KDM4D: variants seen among roughly 807,000 people sequenced by gnomAD.
KDM4D encodes lysine-specific demethylase 4D.
For missense variants in KDM4D, 427 were observed against 674.8 expected (o/e 0.63, Z 4.07); for synonymous variants, 254 against 249.1 (o/e 1.02, Z -0.19).
At position 94,998,321 on chromosome 11, in the gene KDM4D, G is replaced by A. The variant is rs1857993005; in HGVS notation, c.949G>A (p.Val317Met). The A allele has an allele frequency of 6.2e-7, 1 of 1,614,054 alleles. No individual in the cohort carries two copies. Among genetic ancestry groups the A allele is most frequent in the Non-Finnish European group, 8.5e-7 (1 of 1,180,028 alleles). ...CCAGTGTAGCTGTGGGGAGGCAAGGGTGACCTTTTCCATGGATGCCTTCGT... is the reference window on the plus strand; with the variant it reads ...CCAGTGTAGCTGTGGGGAGGCAAGGATGACCTTTTCCATGGATGCCTTCGT... ...ASQCSCGEARVTFSMDAFVRI... is the reference protein window; with the variant it reads ...ASQCSCGEARMTFSMDAFVRI... Residue 317 changes from valine (V) to methionine (M), a missense_variant, in exon 3 of 3, where the codon GTG becomes ATG. Transcript: ENST00000335080. This position sits in a 1 kb window ranked among gnomAD's most constrained non-coding sequence, Gnocchi z 6.7.
intron 2 of KDM4D, among the ~76,000 whole-genome samples, chr11:94,990,686 G>GA (rs1857927606): frequency 6.6e-6 from 1 of 152,210 alleles, no homozygotes; most frequent in South Asian, 2.1e-4. Context: ...ATGGACAAGT[G>GA]TAAACTGATT....
Position 94,999,035 on chromosome 11 carries a change from T to G in KDM4D, c.*91T>G. ...TACATCCCAAAACTTTGGTTGAGTT[T>G]GCAGGACTCTAGGCATGCATGAAAG... On this transcript the variant is annotated 3_prime_UTR_variant, in exon 3 of 3. Transcript: ENST00000335080. The G allele has an allele frequency of 1.5e-6, 2 of 1,299,794 alleles. No individual in the cohort carries two copies. The highest frequency in any genetic ancestry group is 2.0e-6 in the Non-Finnish European group (2 of 982,644). 80.5% of individuals were successfully genotyped at this position (1,299,794 alleles called of 1,614,324 possible).
chr11:94,993,084 T>TA (rs1435790765), intron 2 of KDM4D, among the ~76,000 whole-genome samples: 1 of 152,088 alleles, frequency 6.6e-6, no homozygotes, highest in Non-Finnish European at 1.5e-5. Context: ...CTGTTAAACT[T>TA]ACTCAGCTTC....
At chr11:94,985,277 A>G (rs1363167862) in intron 2 of KDM4D, among the ~76,000 whole-genome samples, 1 of 152,242 alleles carries the variant, frequency 6.6e-6, no homozygotes, top group Non-Finnish European at 1.5e-5. Flanking sequence ...ATACAAGATC[A>G]ATATACATAA....
chr11:94,977,534 C>A (rs1239105623), intron 2 of KDM4D, among the ~76,000 whole-genome samples: 1 of 152,140 alleles, frequency 6.6e-6, no homozygotes, highest in Admixed American at 6.6e-5. Context: ...TTACTCAAGT[C>A]TTTGTTCAAA....
intron 2 of KDM4D, among the ~76,000 whole-genome samples, chr11:94,989,785 C>A (rs1857919485): frequency 7.5e-6 from 1 of 132,664 alleles, no homozygotes. Context: ...GAGTTTCACT[C>A]TTCTTGCCCA....
intron 2 of KDM4D, among the ~76,000 whole-genome samples, chr11:94,984,866 C>CA (rs35800960): frequency 0.13 from 18,554 of 148,394 alleles, 1,224 homozygotes; most frequent in Middle Eastern, 0.21. Flanking sequence ...GACTCCGTCT[C>CA]AAAAAAAAAA....
At chr11:94,991,298 G>A (rs587637555) in intron 2 of KDM4D, among the ~76,000 whole-genome samples, 2 of 152,052 alleles carry the variant, frequency 1.3e-5, no homozygotes, top group African/African-American at 4.8e-5. Flanking sequence ...TTTTATATAA[G>A]GCAATTACTA....
At chr11:94,991,671 T>C (rs1013815032) in intron 2 of KDM4D, among the ~76,000 whole-genome samples, 14 of 151,432 alleles carry the variant, frequency 9.2e-5, no homozygotes, top group Admixed American at 2.6e-4. Context: ...AATATAGTGA[T>C]AAAGGAATAG....
intron 2 of KDM4D, among the ~76,000 whole-genome samples, chr11:94,983,887 C>T (rs1260802696): frequency 2.0e-5 from 3 of 152,078 alleles, no homozygotes; most frequent in African/African-American, 7.2e-5. Context: ...CTAGGTAGAG[C>T]AATTTGACAT....
At position 94,986,085 on chromosome 11, in the gene KDM4D, A is replaced by G. The variant is rs587685309; in HGVS notation, c.-350+10337A>G. On this transcript the variant is annotated intron_variant, in intron 2 of 2. Transcript: ENST00000335080. ...AAATTCAATTCTTGTGCACTTCGAAAGACATAGTCAAGAAAGTGAAAAGAA... is the reference window on the plus strand; with the variant it reads ...AAATTCAATTCTTGTGCACTTCGAAGGACATAGTCAAGAAAGTGAAAAGAA... Among the ~76,000 whole-genome samples the G allele has an allele frequency of 1.9e-4, 29 of 152,354 alleles. No individual in the cohort carries two copies. In the South Asian group the frequency reaches 3.1e-3, roughly 16 times the overall value.
At chr11:94,994,456 A>G (rs141382855) in intron 2 of KDM4D, among the ~76,000 whole-genome samples, 1 of 152,272 alleles carries the variant, frequency 6.6e-6, no homozygotes, top group East Asian at 1.9e-4. Context: ...CTGAATATAA[A>G]TAGGAAATTT....
intron 2 of KDM4D, among the ~76,000 whole-genome samples, chr11:94,988,794 T>C (rs1285663115): frequency 6.6e-6 from 1 of 152,222 alleles, no homozygotes; most frequent in Non-Finnish European, 1.5e-5. Flanking sequence ...CTAAGGATGC[T>C]TCTGGTAGAT....
At chr11:94,983,803 GACATTAT>G (rs1857861949) in intron 2 of KDM4D, among the ~76,000 whole-genome samples, 1 of 152,086 alleles carries the variant, frequency 6.6e-6, no homozygotes. Context: ...CTGAAAAGTT[GACATTAT>G]CAAATGCACC....
chr11:94,992,023 GT>G (rs1288824565), intron 2 of KDM4D, among the ~76,000 whole-genome samples: 5 of 151,812 alleles, frequency 3.3e-5, no homozygotes, highest in Admixed American at 6.6e-5. Context: ...AATTTCAAAA[GT>G]TAATAACCCC....
intron 2 of KDM4D, among the ~76,000 whole-genome samples, chr11:94,992,042 C>T (rs1398925536): frequency 3.3e-5 from 5 of 151,670 alleles, no homozygotes; most frequent in African/African-American, 4.8e-5. Context: ...CCCCCCTCTC[C>T]GAAATACAGA....
At position 94,998,326 on chromosome 11, in the gene KDM4D, C is replaced by A; in HGVS notation, c.954C>A (p.Thr318=). Residue 318 remains threonine (T), a synonymous_variant, in exon 3 of 3, where the codon ACC becomes ACA. Transcript: ENST00000335080. The surrounding 1 kb of genome is among the most constrained non-coding windows in gnomAD (Gnocchi z 6.7). ...GTAGCTGTGGGGAGGCAAGGGTGACCTTTTCCATGGATGCCTTCGTGCGCA... is the reference window on the plus strand; with the variant it reads ...GTAGCTGTGGGGAGGCAAGGGTGACATTTTCCATGGATGCCTTCGTGCGCA... ...SQCSCGEARV[T]FSMDAFVRIL... is the part of the protein sequence containing the mutation. 6.2e-7 allele frequency: 1 copy of A among 1,614,150 alleles called. No individual in the cohort carries two copies. Among genetic ancestry groups the A allele is most frequent in the Non-Finnish European group, 8.5e-7 (1 of 1,180,008 alleles).
rs200720342 is a variant in KDM4D at position 94,998,861 on chromosome 11, T to G, written c.1489T>G (p.Leu497Val). ...TGAGCCCCTACCTGAGGATGGGGCTTTGATGGACAAGCCTGTACCACTGAG... is the reference window on the plus strand; with the variant it reads ...TGAGCCCCTACCTGAGGATGGGGCTGTGATGGACAAGCCTGTACCACTGAG... Reference protein sequence around the residue: ...EPEPLPEDGALMDKPVPLSPG... With the variant: ...EPEPLPEDGAVMDKPVPLSPG... Residue 497 changes from leucine to valine, a missense_variant, in exon 3 of 3, where the codon TTG becomes GTG. Transcript: ENST00000335080. The surrounding 1 kb of genome is among the most constrained non-coding windows in gnomAD (Gnocchi z 6.7). The G allele has an allele frequency of 2.5e-4, 391 of 1,558,092 alleles. No homozygotes were observed. Among genetic ancestry groups the G allele is most frequent in the Middle Eastern group, 1.7e-4 (1 of 5,800 alleles).
intron 2 of KDM4D, among the ~76,000 whole-genome samples, chr11:94,983,920 G>T (rs587671430): frequency 1.3e-5 from 2 of 152,102 alleles, no homozygotes; most frequent in South Asian, 4.1e-4. Context: ...TTAAAATGTT[G>T]TTTCTTTATC....
Sources: gnomAD v4.1 joint callset for allele counts (sites outside exome capture counted in the v4.1 genomes callset) on GRCh38, gnomAD v4.1.1 for gene constraint, Gnocchi (gnomAD v3.1) non-coding constraint, MANE v1.5 for transcripts, NCBI Gene and HGNC (gene_info 2026-07-23, HGNC 2026-07-21) for gene names.